The following NPEPPS variants were observed in gnomAD, a reference collection of about 807,000 sequenced individuals.
The protein encoded by NPEPPS is puromycin-sensitive aminopeptidase.
A neutral mutation model predicts 115.5 loss-of-function variants in NPEPPS; 14 were observed. The ratio of observed to expected loss-of-function variants is 0.12; its 90% CI spans 0.08 to 0.19. The LOEUF is 0.19. Ranked by LOEUF, NPEPPS falls within the 10% of genes least tolerant of loss-of-function variation. NPEPPS has a pLI of 1.00. For synonymous variants in NPEPPS, 285 were observed against 390.6 expected (o/e 0.73, Z 3.19); for missense variants, 523 against 1,110.8 (o/e 0.47, Z 7.52).
chr17:47,574,525 T>A (rs1287774243), intron 3 of NPEPPS, among the ~76,000 whole-genome samples: 1 of 152,192 alleles, frequency 6.6e-6, no homozygotes, highest in East Asian at 1.9e-4. Context: ...ACACACGACA[T>A]AATCTGTGCC....
intron 3 of NPEPPS, among the ~76,000 whole-genome samples, chr17:47,573,789 T>A (rs1567853431): frequency 6.6e-6 from 1 of 152,190 alleles, no homozygotes; most frequent in Admixed American, 6.5e-5. Context: ...ATTGATTGCT[T>A]CTTAGGGGCA....
intron 19 of NPEPPS, 103 bp from the exon 20 acceptor site, chr17:47,618,247 A>G (rs1375989362): frequency 5.7e-6 from 4 of 700,580 alleles, no homozygotes; most frequent in African/African-American, 3.6e-5. Context: ...TAGTGAGAAT[A>G]TAGAACCTAA....
At chr17:47,596,555 C>A in intron 13 of NPEPPS, 93 bp downstream of exon 13, 1 of 662,272 alleles carries the variant, frequency 1.5e-6, no homozygotes, top group Non-Finnish European at 2.4e-6. Context: ...TTTAAGTTTT[C>A]TAGTGACATT....
intron 3 of NPEPPS, among the ~76,000 whole-genome samples, chr17:47,577,637 A>G (rs1447645737): frequency 6.6e-6 from 1 of 152,218 alleles, no homozygotes; most frequent in Non-Finnish European, 1.5e-5. Context: ...TTTTAAAAAT[A>G]AACATCACAA....
rs1175633686 is a variant in NPEPPS at position 47,552,089 on chromosome 17, C to T, written c.340+6096C>T. ...TCAAGTTACTCTCCCACCACAGCCTCCCGGAGAGCTGGGATGGCAGGCATG... is the reference window on the plus strand; with the variant it reads ...TCAAGTTACTCTCCCACCACAGCCTTCCGGAGAGCTGGGATGGCAGGCATG... On this transcript the variant is annotated intron_variant, in intron 2 of 22. Coordinates refer to ENST00000322157, the MANE Select transcript of NPEPPS (RefSeq NM_006310.4). 2.1e-5 allele frequency among the ~76,000 whole-genome samples: 3 copies of T among 143,038 alleles called. No individual in the cohort carries two copies. In the Admixed American group the frequency reaches 2.2e-4, roughly 11 times the overall value. The allele number at this position is 143,038 out of a possible 152,430, so 93.8% of individuals were successfully genotyped here.
intron 1 of NPEPPS, among the ~76,000 whole-genome samples, chr17:47,524,240 C>T (rs1442578127): frequency 6.0e-5 from 9 of 151,156 alleles, no homozygotes; most frequent in African/African-American, 1.2e-4. Flanking sequence ...CCCCGGGAGG[C>T]GGAGGTTGTA....
intron 15 of NPEPPS, among the ~76,000 whole-genome samples, chr17:47,602,476 T>C (rs1298784508): frequency 2.0e-5 from 3 of 151,572 alleles, no homozygotes; most frequent in African/African-American, 7.3e-5. Flanking sequence ...CTACTAAAGA[T>C]ACGAAAAAAA....
intron 21 of NPEPPS, 24 bp from the exon 22 acceptor site, chr17:47,619,713 C>G: frequency 6.2e-7 from 1 of 1,604,650 alleles, no homozygotes; most frequent in Non-Finnish European, 8.5e-7. Flanking sequence ...GTTTCACTTA[C>G]TGTTTAAAAC....
In NPEPPS at chr17:47,585,693, C is replaced by T. The variant is rs1435324499; in HGVS notation, c.842C>T (p.Ala281Val). Residue 281 changes from alanine to valine, a missense_variant, in exon 6 of 23, where the codon GCG (alanine) becomes GTG (valine). Physicochemically the swap from Ala to Val is moderately conservative, Grantham distance 64. Transcript: ENST00000322157. ...PVGKAEQGKF[A>V]LEVAAKTLPF... The stretch of plus-strand genomic sequence containing the variant: ...GGCAAAGCAGAGCAAGGAAAATTTG[C>T]GTTAGAGGTAAATGTACTTGAAGAG... The T allele has an allele frequency of 4.3e-6, 7 of 1,612,684 alleles. No individual in the cohort carries two copies. Among genetic ancestry groups the T allele is most frequent in the Non-Finnish European group, 5.1e-6 (6 of 1,178,940 alleles).
chr17:47,550,109 A>G (rs1382580552), intron 2 of NPEPPS, among the ~76,000 whole-genome samples: 1 of 151,390 alleles, frequency 6.6e-6, no homozygotes, highest in Non-Finnish European at 1.5e-5. Flanking sequence ...TAATTTTTGT[A>G]TTTTTAGTAG....
At chr17:47,602,354 T>C (rs1314373701) in intron 15 of NPEPPS, among the ~76,000 whole-genome samples, 1 of 152,042 alleles carries the variant, frequency 6.6e-6, no homozygotes, top group African/African-American at 2.4e-5. Flanking sequence ...CCGAACGCTG[T>C]GGTAGCACTT....
intron 2 of NPEPPS, among the ~76,000 whole-genome samples, chr17:47,560,901 G>C (rs8073808): frequency 0.45 from 68,083 of 151,936 alleles, 16,226 homozygotes; most frequent in East Asian, 0.55. Flanking sequence ...GAATTATGTG[G>C]TTTAGATTAC....
At chr17:47,616,386 A>G (rs1914199475) in intron 19 of NPEPPS, among the ~76,000 whole-genome samples, 1 of 151,862 alleles carries the variant, frequency 6.6e-6, no homozygotes, top group Admixed American at 6.6e-5. Flanking sequence ...CGGCTCTACT[A>G]AAAATAGAAA....
chr17:47,524,132 C>A (rs538810006), intron 1 of NPEPPS, among the ~76,000 whole-genome samples: 15 of 151,618 alleles, frequency 9.9e-5, no homozygotes, highest in African/African-American at 3.1e-4. Context: ...ATGGTGAAAC[C>A]CCCTCTCTAC....
chr17:47,584,461 T>C (rs1332301474), intron 5 of NPEPPS, among the ~76,000 whole-genome samples: 1 of 152,168 alleles, frequency 6.6e-6, no homozygotes, highest in Non-Finnish European at 1.5e-5. Flanking sequence ...TGGAAAAACC[T>C]GCTGCACCTG....
rs1914643167 is a variant in NPEPPS at position 47,622,512 on chromosome 17, TC to T, written c.*594del. On this transcript the variant is annotated 3_prime_UTR_variant, in exon 23 of 23. Coordinates refer to ENST00000322157, the MANE Select transcript of NPEPPS (RefSeq NM_006310.4). ...ACCAAGGATTGTAGTTTAGTTTTCC[TC>T]CTTGCCTTCCCTTCTGTGTGACCGA... is the stretch of plus-strand genomic sequence containing the variant. 1 of 234,948 alleles carries T rather than the reference TC, an allele frequency of 4.3e-6. No individual in the cohort carries two copies. Among genetic ancestry groups the T allele is most frequent in the African/African-American group, 2.4e-5 (1 of 41,684 alleles). The allele number at this position is 234,948 out of a possible 1,614,324, so 14.6% of individuals were successfully genotyped here.
At chr17:47,589,308 T>G (rs1351734461) in intron 9 of NPEPPS, among the ~76,000 whole-genome samples, 1 of 152,096 alleles carries the variant, frequency 6.6e-6, no homozygotes, top group Admixed American at 6.6e-5. Context: ...CAAGCCGGAG[T>G]GCAGTGGCAC....
At chr17:47,605,963 C>T (rs779235964) in intron 17 of NPEPPS, among the ~76,000 whole-genome samples, 2 of 152,068 alleles carry the variant, frequency 1.3e-5, no homozygotes, top group South Asian at 2.1e-4. Flanking sequence ...CCGCAACCTC[C>T]GCTTCCCAGG....
chr17:47,599,037 CTGTT>C (rs1458091841), intron 13 of NPEPPS, among the ~76,000 whole-genome samples: 1 of 152,172 alleles, frequency 6.6e-6, no homozygotes, highest in Non-Finnish European at 1.5e-5. Context: ...AAAGGCCTGT[CTGTT>C]GCTCTTAATT....
Sources: allele counts gnomAD v4.1 joint callset (sites outside exome capture counted in the v4.1 genomes callset), GRCh38; gene constraint gnomAD v4.1.1; transcripts MANE v1.5; gene names NCBI Gene and HGNC (gene_info 2026-07-23, HGNC 2026-07-21).